Variants in ARID4A observed in about 807,000 individuals in gnomAD.
ARID4A encodes AT-rich interaction domain 4A, also known as AT-rich interactive domain-containing protein 4A.
ARID4A carries 39 observed loss-of-function variants against 148.6 expected under a neutral mutation model. That is an observed-to-expected ratio of 0.26 (90% confidence interval 0.20 to 0.34). The LOEUF (loss-of-function observed/expected upper bound fraction) is 0.34, where lower values mean the gene tolerates loss of function less well. ARID4A is among the 10% of genes least tolerant of loss of function. The probability of loss-of-function intolerance (pLI) is 1.00; values close to 1 mark genes in which losing one functional copy is unlikely to be tolerated. For synonymous variants in ARID4A, 475 were observed against 481.2 expected, an observed-to-expected ratio of 0.99 and a Z score of 0.17; for missense variants, 1,265 against 1,449.1, an observed-to-expected ratio of 0.87 and a Z score of 2.06.
chr14:58,309,672 G>A (rs1468667620), intron 5 of ARID4A, among the ~76,000 whole-genome samples: 1 of 152,154 alleles, frequency 6.6e-6, no homozygotes, highest in East Asian at 1.9e-4. Context: ...GTAAGGAAAA[G>A]TTAAAGGATA....
intron 19 of ARID4A, among the ~76,000 whole-genome samples, chr14:58,362,572 G>C (rs1384702425): frequency 6.6e-6 from 1 of 151,900 alleles, no homozygotes; most frequent in Non-Finnish European, 1.5e-5. Flanking sequence ...CTGGGTAGCA[G>C]AGCAAGACCC....
chr14:58,342,407 T>TA (rs1177974703), intron 11 of ARID4A, among the ~76,000 whole-genome samples: 3 of 151,964 alleles, frequency 2.0e-5, no homozygotes, highest in Non-Finnish European at 2.9e-5. Flanking sequence ...CACTAACTTT[T>TA]AAAAAAAATA....
At chr14:58,351,461 C>T in intron 16 of ARID4A, 138 bp downstream of exon 16, 2 of 1,163,716 alleles carry the variant, frequency 1.7e-6, no homozygotes, top group Non-Finnish European at 2.4e-6. Context: ...AGGTGAGACA[C>T]ATTGTGAAGA....
In ARID4A at chr14:58,367,034, T is replaced by C. The variant is rs1245910986; in HGVS notation, c.3670+5T>C. The C allele has an allele frequency of 6.7e-7, 1 of 1,481,514 alleles. No individual in the cohort carries two copies. Among genetic ancestry groups the C allele is most frequent in the African/African-American group, 1.5e-5 (1 of 68,248 alleles). 91.8% of individuals were successfully genotyped at this position (1,481,514 alleles called of 1,614,324 possible). ...TAAAAAAGAAAGACAGGGAAGGTAA[T>C]TTTATTATGATTTTTCTCCCCTTAT... On this transcript the variant is annotated splice_donor_5th_base_variant and intron_variant, in intron 23 of 23. Coordinates refer to ENST00000355431, the MANE Select transcript of ARID4A (RefSeq NM_002892.4).
intron 5 of ARID4A, among the ~76,000 whole-genome samples, chr14:58,314,897 A>G (rs1299664038): frequency 6.6e-6 from 1 of 152,136 alleles, no homozygotes; most frequent in Non-Finnish European, 1.5e-5. Context: ...GGTGGGTGGA[A>G]CACTTGAGGC....
intron 7 of ARID4A, among the ~76,000 whole-genome samples, chr14:58,319,391 T>G (rs961102873): frequency 2.6e-5 from 4 of 152,036 alleles, no homozygotes; most frequent in African/African-American, 9.7e-5. Context: ...AGGCCCAAAG[T>G]TTTTAATTGA....
chr14:58,299,054 G>A (rs1454264637), intron 1 of ARID4A, among the ~76,000 whole-genome samples: 1 of 152,222 alleles, frequency 6.6e-6, no homozygotes, highest in Non-Finnish European at 1.5e-5. Flanking sequence ...TCCGTGGCAG[G>A]ACTCGAGGGG....
chr14:58,359,711 T>C (rs890902173), intron 18 of ARID4A, among the ~76,000 whole-genome samples: 5 of 152,350 alleles, frequency 3.3e-5, no homozygotes, highest in South Asian at 4.1e-4. Context: ...CTTTTTAGAT[T>C]GGCTTCTTTT....
At chr14:58,310,417 A>G (rs1263316582) in intron 5 of ARID4A, among the ~76,000 whole-genome samples, 1 of 152,186 alleles carries the variant, frequency 6.6e-6, no homozygotes, top group Non-Finnish European at 1.5e-5. Flanking sequence ...TGGCACAAAA[A>G]TAGACACATA....
chr14:58,364,755 G>A lies in ARID4A; in HGVS notation c.2666G>A (p.Cys889Tyr), dbSNP rs371842893. The change falls in exon 20 of 24, where the codon TGT becomes TAT. Residue 889 changes from cysteine (C) to tyrosine (Y), a missense_variant. Around this residue, in one of 9 missense-constraint regions of ARID4A, gnomAD observed 666 missense variants for 730.9 expected, o/e 0.91. Transcript: ENST00000355431. ...NTVSQERTSD[C>Y]IGSEGMKNLN... ...GTATCTCAAGAAAGGACCAGTGATT[G>A]TATTGGATCTGAGGGAATGAAAAAC... 11 of 1,613,982 alleles carry A rather than the reference G, an allele frequency of 6.8e-6. No individual in the cohort carries two copies. In the African/African-American group the frequency reaches 1.5e-4, roughly 22 times the overall value.
chr14:58,362,812 C>T (rs1052226247), intron 19 of ARID4A, among the ~76,000 whole-genome samples: 2 of 152,128 alleles, frequency 1.3e-5, no homozygotes, highest in African/African-American at 2.4e-5. Flanking sequence ...CCCGCCTCAG[C>T]GTCCTGAAGT....
chr14:58,299,892 CG>C (rs1486912257), intron 2 of ARID4A, 32 bp downstream of exon 2: 1 of 1,614,006 alleles, frequency 6.2e-7, no homozygotes, highest in Non-Finnish European at 8.5e-7. Context: ...CCGATCCTCG[CG>C]CCCTGAACAC....
chr14:58,347,965 A>G (rs1297653342), intron 15 of ARID4A, 87 bp downstream of exon 15: 2 of 868,206 alleles, frequency 2.3e-6, no homozygotes, highest in Non-Finnish European at 3.4e-6. Context: ...CAAAAGTACT[A>G]CAGTGAACCT....
At chr14:58,330,201 A>T in intron 11 of ARID4A, 32 bp downstream of exon 11, 1 of 1,597,234 alleles carries the variant, frequency 6.3e-7, no homozygotes, top group Non-Finnish European at 8.5e-7. Flanking sequence ...TAACAAAAAC[A>T]TCTTAATACT....
In ARID4A at chr14:58,326,406, C is replaced by A. The variant is rs570725313; in HGVS notation, c.583-1831C>A. On this transcript the variant is annotated intron_variant, in intron 8 of 23. Coordinates refer to ENST00000355431, the MANE Select transcript of ARID4A (RefSeq NM_002892.4). Reference sequence around the variant, plus strand: ...GAGCTGAGATCGCGCCACTGCACTCCAGCCTGGGCAACAAAGCAAGACTCT... The same window carrying A: ...GAGCTGAGATCGCGCCACTGCACTCAAGCCTGGGCAACAAAGCAAGACTCT... Among the ~76,000 whole-genome samples, 722 of 152,306 alleles carry A rather than the reference C, an allele frequency of 4.7e-3. 6 individuals are homozygous for A. The highest frequency in any genetic ancestry group is 0.017 in the African/African-American group (697 of 41,556).
chr14:58,362,483 A>T (rs1252571179), intron 19 of ARID4A, among the ~76,000 whole-genome samples: 1 of 151,772 alleles, frequency 6.6e-6, no homozygotes, highest in Admixed American at 6.6e-5. Context: ...CCAGCTACTC[A>T]GGAGGCTGAG....
intron 5 of ARID4A, among the ~76,000 whole-genome samples, chr14:58,312,041 A>G (rs1760075598): frequency 1.3e-5 from 2 of 152,146 alleles, no homozygotes; most frequent in Admixed American, 6.6e-5. Context: ...TTAGCCAATA[A>G]CAATGTATTG....
intron 11 of ARID4A, among the ~76,000 whole-genome samples, chr14:58,332,377 ATTAT>A (rs1451019494): frequency 4.6e-5 from 7 of 152,036 alleles, no homozygotes; most frequent in Non-Finnish European, 8.8e-5. Context: ...GATTCATATG[ATTAT>A]TTATTTTTCG....
chr14:58,369,669 A>G (rs888930288), intron 23 of ARID4A, among the ~76,000 whole-genome samples: 5 of 151,786 alleles, frequency 3.3e-5, no homozygotes, highest in African/African-American at 1.2e-4. Context: ...AGATACATAT[A>G]TAAAAAGAAA....
Sources: allele counts gnomAD v4.1 joint callset (sites outside exome capture counted in the v4.1 genomes callset), GRCh38; gene constraint gnomAD v4.1.1; regional missense constraint gnomAD v4.1.1; transcripts MANE v1.5; gene names NCBI Gene and HGNC (gene_info 2026-07-23, HGNC 2026-07-21).